The following C1QTNF3 variants were observed in gnomAD, a reference collection of about 807,000 sequenced individuals.
C1QTNF3 encodes the protein complement C1q tumor necrosis factor-related protein 3.
In C1QTNF3, 26 loss-of-function variants were observed where a neutral mutation model predicts 32.6. The ratio of observed to expected loss-of-function variants is 0.80; its 90% CI spans 0.58 to 1.11. The LOEUF (loss-of-function observed/expected upper bound fraction) is 1.11, where lower values mean the gene tolerates loss of function less well. C1QTNF3 is among the 50% of genes least tolerant of loss of function. C1QTNF3 has a pLI of 0.00. For synonymous variants in C1QTNF3, 155 were observed against 146.0 expected (o/e 1.06, Z -0.44); for missense variants, 362 against 398.2 (o/e 0.91, Z 0.77).
At chr5:34,176,168 C>T in the C1QTNF3 span, among the ~76,000 whole-genome samples, 1 of 150,726 alleles carries the variant, frequency 6.6e-6, no homozygotes, top group Non-Finnish European at 1.5e-5. Flanking sequence ...AAACCAAACA[C>T]CGCATATTCT....
At chr5:34,154,970 T>C in the C1QTNF3 span, among the ~76,000 whole-genome samples, 1 of 152,196 alleles carries the variant, frequency 6.6e-6, no homozygotes. Context: ...CCCGTAAATA[T>C]GTGTCTCCTA....
chr5:34,053,186 C>T, the C1QTNF3 span, among the ~76,000 whole-genome samples: 1 of 152,290 alleles, frequency 6.6e-6, no homozygotes, highest in African/African-American at 2.4e-5. Context: ...AATGGAGCTG[C>T]TCTGTCTTGC....
chr5:34,153,853 T>TAAAAAAAAAAAAAAAAAAA, the C1QTNF3 span, among the ~76,000 whole-genome samples: 1 of 32,942 alleles, frequency 3.0e-5, no homozygotes, highest in Non-Finnish European at 6.9e-5. Context: ...ACTTAGAGTA[T>TAAAAAAAAAAAAAAAAAAA]AAAAAAAAAA....
At chr5:34,134,508 T>A in the C1QTNF3 span, among the ~76,000 whole-genome samples, 1 of 152,130 alleles carries the variant, frequency 6.6e-6, no homozygotes. Context: ...TATAACCAAA[T>A]AAAATAAAAA....
chr5:34,046,630 C>T (rs937561458), upstream of C1QTNF3, among the ~76,000 whole-genome samples: 4 of 152,180 alleles, frequency 2.6e-5, no homozygotes, highest in Admixed American at 6.5e-5. Flanking sequence ...TGATCTCAGA[C>T]GTTGAGACTC....
the C1QTNF3 span, chr5:34,167,027 T>C: frequency 2.6e-5 from 4 of 152,224 alleles, no homozygotes; most frequent in Admixed American, 6.5e-5. Context: ...ATGCTGTCTA[T>C]AGAGATTCTA....
the C1QTNF3 span, among the ~76,000 whole-genome samples, chr5:34,126,594 A>G: frequency 2.1e-5 from 3 of 145,564 alleles, no homozygotes; most frequent in African/African-American, 7.5e-5. Context: ...CTGATTTCTG[A>G]GTGTATGTCT....
chr5:34,207,873 C>T, the C1QTNF3 span, among the ~76,000 whole-genome samples: 2 of 151,922 alleles, frequency 1.3e-5, no homozygotes, highest in Admixed American at 1.3e-4. Context: ...CTGCAAACTC[C>T]GCCTCCCGGG....
the C1QTNF3 span, among the ~76,000 whole-genome samples, chr5:34,195,626 G>C: frequency 1.3e-5 from 2 of 152,338 alleles, no homozygotes; most frequent in African/African-American, 4.8e-5. Flanking sequence ...TGGATCACGA[G>C]GTCAGGAGAT....
At chr5:34,078,985 T>G in the C1QTNF3 span, among the ~76,000 whole-genome samples, 2 of 151,614 alleles carry the variant, frequency 1.3e-5, no homozygotes, top group Non-Finnish European at 2.9e-5. This position sits in a 1 kb window ranked among gnomAD's most constrained non-coding sequence, Gnocchi z 4.0. Context: ...TCATCTATTA[T>G]TTTTTCACAC....
At chr5:34,185,964 A>C in the C1QTNF3 span, among the ~76,000 whole-genome samples, 177 of 152,074 alleles carry the variant, frequency 1.2e-3, no homozygotes, top group African/African-American at 4.2e-3. Flanking sequence ...TGCAGCAACC[A>C]TATCCAGTTA....
chr5:34,121,158 G>A, the C1QTNF3 span, among the ~76,000 whole-genome samples: 14 of 152,198 alleles, frequency 9.2e-5, no homozygotes, highest in South Asian at 1.5e-3. Flanking sequence ...TTTTTTAAAG[G>A]AGGCAAATTC....
chr5:34,213,720 A>ATATATATGTG, the C1QTNF3 span, among the ~76,000 whole-genome samples: 1 of 51,436 alleles, frequency 1.9e-5, no homozygotes, highest in African/African-American at 1.6e-4. Flanking sequence ...ATATATATGT[A>ATATATATGTG]TATATATACA....
the C1QTNF3 span, among the ~76,000 whole-genome samples, chr5:34,104,845 T>A: frequency 3.9e-3 from 597 of 151,908 alleles, 3 homozygotes; most frequent in African/African-American, 0.014. Flanking sequence ...CCTGTTTTAT[T>A]TTAATGTAAA....
chr5:34,140,671 T>A, the C1QTNF3 span, among the ~76,000 whole-genome samples: 2 of 152,132 alleles, frequency 1.3e-5, no homozygotes, highest in Non-Finnish European at 1.5e-5. Context: ...TTTGAAGAGG[T>A]GGTAAAATTA....
the C1QTNF3 span, among the ~76,000 whole-genome samples, chr5:34,133,078 A>G: frequency 5.3e-5 from 8 of 152,244 alleles, no homozygotes; most frequent in Admixed American, 3.9e-4. Context: ...AGTGAATGAG[A>G]CATTTTATCA....
chr5:34,204,321 T>C, the C1QTNF3 span, among the ~76,000 whole-genome samples: 1 of 152,248 alleles, frequency 6.6e-6, no homozygotes, highest in Non-Finnish European at 1.5e-5. Flanking sequence ...CATATGTTTA[T>C]CACAGCACTA....
chr5:34,033,793 T>C (rs1466763494), intron 2 of C1QTNF3, among the ~76,000 whole-genome samples: 1 of 152,218 alleles, frequency 6.6e-6, no homozygotes, highest in East Asian at 1.9e-4. Flanking sequence ...AGAAACTATG[T>C]TATATAGTCA....
the C1QTNF3 span, among the ~76,000 whole-genome samples, chr5:34,228,959 GT>G: frequency 5.9e-4 from 84 of 143,210 alleles, no homozygotes; most frequent in East Asian, 1.2e-3. Flanking sequence ...GCCAATTAGA[GT>G]TTTTTTTTTT....
Sources: allele counts gnomAD v4.1 joint callset (sites outside exome capture counted in the v4.1 genomes callset), GRCh38; gene constraint gnomAD v4.1.1; non-coding constraint Gnocchi (gnomAD v3.1); transcripts MANE v1.5; gene names NCBI Gene and HGNC (gene_info 2026-07-23, HGNC 2026-07-21).